The following EDNRA variants were observed in gnomAD, a reference collection of about 807,000 sequenced individuals.
EDNRA encodes endothelin-1 receptor.
EDNRA carries 11 observed loss-of-function variants against 41.4 expected under a neutral mutation model. The ratio of observed to expected loss-of-function variants is 0.27; its 90% CI spans 0.17 to 0.44. The LOEUF is 0.44. Ranked by LOEUF, EDNRA falls within the 20% of genes least tolerant of loss-of-function variation. The pLI is 1.00. For missense variants in EDNRA, 294 were observed against 531.0 expected (o/e 0.55, Z 4.39); for synonymous variants, 172 against 183.0 (o/e 0.94, Z 0.49).
At chr4:147,532,738 G>A (rs769104825) in intron 4 of EDNRA, 34 bp downstream of exon 4, 12 of 1,603,518 alleles carry the variant, frequency 7.5e-6, no homozygotes, top group Non-Finnish European at 9.4e-6. Flanking sequence ...AACTGGGGAA[G>A]GGAGGAGGTC....
At chr4:147,499,127 C>A (rs1342630949) in intron 2 of EDNRA, among the ~76,000 whole-genome samples, 2 of 152,314 alleles carry the variant, frequency 1.3e-5, no homozygotes, top group South Asian at 4.1e-4. Context: ...ATAACCACAG[C>A]TCCCTGCTGC....
At chr4:147,542,184 G>C (rs750760295) in intron 7 of EDNRA, among the ~76,000 whole-genome samples, 1 of 152,100 alleles carries the variant, frequency 6.6e-6, no homozygotes, top group Non-Finnish European at 1.5e-5. Flanking sequence ...AGCCCTACCC[G>C]TGCCTGCCCC....
intron 2 of EDNRA, among the ~76,000 whole-genome samples, chr4:147,514,642 T>G (rs188199717): frequency 7.9e-5 from 12 of 152,128 alleles, no homozygotes; most frequent in Admixed American, 4.6e-4. Context: ...CCTGGCTAAT[T>G]CTTGTCTTTT....
At chr4:147,529,284 G>A (rs1730665796) in intron 3 of EDNRA, among the ~76,000 whole-genome samples, 1 of 152,132 alleles carries the variant, frequency 6.6e-6, no homozygotes, top group South Asian at 2.1e-4. Flanking sequence ...TCCTAGTGGA[G>A]CTCGCAAGTA....
chr4:147,525,622 A>T (rs6843446), intron 3 of EDNRA, among the ~76,000 whole-genome samples: 2 of 148,114 alleles, frequency 1.4e-5, no homozygotes, highest in Non-Finnish European at 3.0e-5. Context: ...GCAGCAGGAG[A>T]GGGGTAGGAG....
intron 2 of EDNRA, among the ~76,000 whole-genome samples, chr4:147,513,338 G>A (rs1729989816): frequency 6.6e-6 from 1 of 152,226 alleles, no homozygotes; most frequent in South Asian, 2.1e-4. Flanking sequence ...AAAAGTGTAT[G>A]GATAGGGGAT....
intron 2 of EDNRA, among the ~76,000 whole-genome samples, chr4:147,505,928 G>A (rs993436751): frequency 6.6e-6 from 1 of 152,106 alleles, no homozygotes; most frequent in Non-Finnish European, 1.5e-5. Flanking sequence ...GATTACAGGC[G>A]TGAGTGACCG....
intron 3 of EDNRA, among the ~76,000 whole-genome samples, chr4:147,530,137 T>C (rs1035277843): frequency 6.6e-6 from 1 of 152,214 alleles, no homozygotes; most frequent in Non-Finnish European, 1.5e-5. Context: ...CATAAGAACA[T>C]GTTGACCACA....
chr4:147,509,855 A>T (rs1729859309), intron 2 of EDNRA, among the ~76,000 whole-genome samples: 1 of 152,106 alleles, frequency 6.6e-6, no homozygotes, highest in African/African-American at 2.4e-5. Flanking sequence ...TTATTTTATT[A>T]TATATTGCAA....
At chr4:147,494,649 G>A (rs1729248534) in intron 2 of EDNRA, 1 of 152,292 alleles carries the variant, frequency 6.6e-6, no homozygotes, top group Admixed American at 6.6e-5. Context: ...CTGATAGCAT[G>A]GTGACTATAT....
chr4:147,508,669 TG>T (rs1170089207), intron 2 of EDNRA, among the ~76,000 whole-genome samples: 2 of 152,232 alleles, frequency 1.3e-5, no homozygotes, highest in Admixed American at 6.5e-5. Flanking sequence ...GTTATTTTTT[TG>T]CATATGGATA....
intron 3 of EDNRA, among the ~76,000 whole-genome samples, chr4:147,522,844 C>T (rs934641911): frequency 6.6e-6 from 1 of 152,152 alleles, no homozygotes; most frequent in African/African-American, 2.4e-5. Flanking sequence ...AACCTGTGCC[C>T]AAGGTTGTTG....
intron 5 of EDNRA, among the ~76,000 whole-genome samples, chr4:147,538,695 C>T (rs1730996337): frequency 1.3e-5 from 2 of 152,150 alleles, no homozygotes; most frequent in African/African-American, 4.8e-5. Flanking sequence ...GGAGCCATAT[C>T]CCAGCTAGCC....
chr4:147,539,216 GC>G (rs1731017087), intron 5 of EDNRA, among the ~76,000 whole-genome samples: 1 of 151,572 alleles, frequency 6.6e-6, no homozygotes, highest in African/African-American at 2.4e-5. Flanking sequence ...AATTTAAAGA[GC>G]AAAAAATCCC....
intron 2 of EDNRA, among the ~76,000 whole-genome samples, chr4:147,504,906 C>T (rs1209518150): frequency 3.7e-5 from 5 of 136,332 alleles, no homozygotes; most frequent in African/African-American, 1.4e-4. Context: ...TGCAGTGAGC[C>T]GAGATTGCAC....
intron 2 of EDNRA, chr4:147,494,770 T>C (rs1036758618): frequency 6.6e-6 from 1 of 152,230 alleles, no homozygotes; most frequent in Non-Finnish European, 1.5e-5. Context: ...CCTATACACC[T>C]TTAAAAGTCT....
intron 4 of EDNRA, among the ~76,000 whole-genome samples, chr4:147,533,932 A>G (rs1730834038): frequency 6.6e-6 from 1 of 152,196 alleles, no homozygotes; most frequent in Non-Finnish European, 1.5e-5. Context: ...TGAGTTGAAC[A>G]GATAATTTTT....
chr4:147,532,770 T>G, intron 4 of EDNRA, 66 bp downstream of exon 4: 1 of 1,494,264 alleles, frequency 6.7e-7, no homozygotes, highest in Non-Finnish European at 9.3e-7. Context: ...TTCACCATCT[T>G]GAGACTTGAT....
chr4:147,521,896 G>C (rs527422706), intron 3 of EDNRA, among the ~76,000 whole-genome samples: 1 of 152,214 alleles, frequency 6.6e-6, no homozygotes, highest in South Asian at 2.1e-4. Flanking sequence ...TTAAAATACA[G>C]GGTCTTGCTC....
Sources: gnomAD v4.1 joint callset for allele counts (sites outside exome capture counted in the v4.1 genomes callset) on GRCh38, gnomAD v4.1.1 for gene constraint, MANE v1.5 for transcripts, NCBI Gene and HGNC (gene_info 2026-07-23, HGNC 2026-07-21) for gene names.